Variants in ZNF292 observed in about 807,000 individuals in gnomAD.
The protein encoded by ZNF292 is 16 zinc-finger domain protein.
In ZNF292, 26 loss-of-function variants were observed where a neutral mutation model predicts 217.9. The ratio of observed to expected loss-of-function variants is 0.12; its 90% CI spans 0.09 to 0.17. The LOEUF (loss-of-function observed/expected upper bound fraction) is 0.17, where lower values mean the gene tolerates loss of function less well. Among genes scored for constraint, ZNF292 ranks in the 10% least tolerant of loss-of-function variants. The pLI, the probability that ZNF292 is intolerant of heterozygous loss-of-function variation, is 1.00. For missense variants in ZNF292, 2,904 were observed against 3,175.2 expected, an observed-to-expected ratio of 0.91 and a Z score of 2.05; for synonymous variants, 1,257 against 1,124.1, an observed-to-expected ratio of 1.12 and a Z score of -2.37.
At chr6:87,187,297 C>T (rs1474818803) in intron 1 of ZNF292, among the ~76,000 whole-genome samples, 3 of 151,878 alleles carry the variant, frequency 2.0e-5, no homozygotes, top group African/African-American at 4.8e-5. Flanking sequence ...TACTAAATCT[C>T]TGTACTCATG....
At chr6:87,179,381 G>A (rs1771399246) in intron 1 of ZNF292, among the ~76,000 whole-genome samples, 1 of 151,850 alleles carries the variant, frequency 6.6e-6, no homozygotes, top group Admixed American at 6.6e-5. Flanking sequence ...GGAGGGTCTC[G>A]AACTGCCAAC....
chr6:87,258,270 G>T lies in ZNF292; in HGVS notation c.4641G>T (p.Leu1547=). 1 of 1,613,266 alleles carries T rather than the reference G, an allele frequency of 6.2e-7. No individual in the cohort carries two copies. The highest frequency in any genetic ancestry group is 1.1e-5 in the South Asian group (1 of 90,936). Residue 1547 remains leucine (L), a synonymous_variant, in exon 8 of 8, where the codon CTG becomes CTT. Transcript: ENST00000369577. ...CTGTATGCCATCCAAACACCTTGCT[G>T]ACCAACCAGAATAGGACGTCAAACT... is the stretch of plus-strand genomic sequence containing the variant. The part of the protein sequence containing the change: ...LHTVCHPNTL[L]TNQNRTSNSK...
chr6:87,195,330 G>T (rs1313139907), intron 1 of ZNF292, among the ~76,000 whole-genome samples: 1 of 152,148 alleles, frequency 6.6e-6, no homozygotes, highest in African/African-American at 2.4e-5. Context: ...AAAAATTCTG[G>T]TACAAATTGG....
chr6:87,243,603 C>T lies in ZNF292; in HGVS notation c.870C>T (p.Tyr290=). The T allele has an allele frequency of 1.3e-6, 2 of 1,501,466 alleles. No homozygotes were observed. The highest frequency in any genetic ancestry group is 2.4e-5 in the East Asian group (1 of 41,094). 93.0% of individuals were successfully genotyped at this position (1,501,466 alleles called of 1,614,324 possible). A position where few individuals can be genotyped will look rare whatever the true frequency, so the allele number is the denominator to read the frequency against. ...GTCAGCTCCAACAAGGAGATATGTA[C>T]TGCGCTTGGTGAGTTGATCTTTTTT... ...LSRQLQQGDM[Y]CAWELTLFWS... Residue 290 remains tyrosine, a synonymous_variant, in exon 6 of 8, where the codon TAC becomes TAT. Coordinates refer to ENST00000369577, the MANE Select transcript of ZNF292 (RefSeq NM_015021.3).
chr6:87,179,695 T>C (rs1771411110), intron 1 of ZNF292, among the ~76,000 whole-genome samples: 1 of 152,212 alleles, frequency 6.6e-6, no homozygotes, highest in South Asian at 2.1e-4. Context: ...TTCAGAACAA[T>C]TTAATATACT....
At position 87,248,152 on chromosome 6, in the gene ZNF292, G is replaced by A. The variant is rs1403939292; in HGVS notation, c.1020+2508G>A. Among the ~76,000 whole-genome samples, 3 of 152,270 alleles carry A rather than the reference G, an allele frequency of 2.0e-5. No individual in the cohort carries two copies. In the East Asian group the frequency reaches 5.8e-4, roughly 29 times the overall value. ...CCATTGTGTAGAATCTAAAAACTGA[G>A]ATGCAGCATGATAACAAGAAGTATT... is the stretch of plus-strand genomic sequence containing the variant. On this transcript the variant is annotated intron_variant, in intron 7 of 7. Coordinates refer to ENST00000369577, the MANE Select transcript of ZNF292 (RefSeq NM_015021.3).
chr6:87,182,499 G>A lies in ZNF292; in HGVS notation c.168+26740G>A, dbSNP rs1771500507. Among the ~76,000 whole-genome samples the A allele has an allele frequency of 3.3e-5, 5 of 152,304 alleles. 1 individual carries two copies. Among genetic ancestry groups the A allele is most frequent in the Admixed American group, 3.3e-4 (5 of 15,290 alleles). On this transcript the variant is annotated intron_variant, in intron 1 of 7. Coordinates refer to ENST00000369577, the MANE Select transcript of ZNF292 (RefSeq NM_015021.3). ...GCACTCCTACGCTTTTAGAGGATGT[G>A]GGGTTGGTGAGGCAGAGAGACCAGA...
Position 87,264,277 on chromosome 6 carries a change from T to G in ZNF292, c.*2476T>G, listed in dbSNP as rs1369066485. 6.6e-6 allele frequency: 1 copy of G among 152,212 alleles called. No individual in the cohort carries two copies. The highest frequency in any genetic ancestry group is 1.5e-5 in the Non-Finnish European group (1 of 68,038). The allele number at this position is 152,212 out of a possible 1,614,324, so 9.4% of individuals were successfully genotyped here. Reference sequence around the variant, plus strand: ...GTTTCATCACTAAAAAGTAGGAGTTTTTCCTCTTCTGAACCCGCAAAGTTT... The same window carrying G: ...GTTTCATCACTAAAAAGTAGGAGTTGTTCCTCTTCTGAACCCGCAAAGTTT... On this transcript the variant is annotated 3_prime_UTR_variant, in exon 8 of 8. Transcript: ENST00000369577.
At chr6:87,198,057 A>G (rs1772005761) in intron 1 of ZNF292, among the ~76,000 whole-genome samples, 1 of 152,146 alleles carries the variant, frequency 6.6e-6, no homozygotes. Flanking sequence ...TCAGTTTCAA[A>G]TTGATTCTAT....
intron 1 of ZNF292, among the ~76,000 whole-genome samples, chr6:87,201,232 C>A (rs1263198941): frequency 6.6e-6 from 1 of 152,028 alleles, no homozygotes; most frequent in Admixed American, 6.5e-5. Context: ...CAGTTTGTAG[C>A]CTTTTATTTG....
chr6:87,170,463 AG>A (rs1469070645), intron 1 of ZNF292: 1 of 152,242 alleles, frequency 6.6e-6, no homozygotes, highest in Non-Finnish European at 1.5e-5. Flanking sequence ...AATTAACCCT[AG>A]TAAGTGAAGT....
intron 1 of ZNF292, among the ~76,000 whole-genome samples, chr6:87,205,104 C>A (rs1582416818): frequency 6.6e-6 from 1 of 152,090 alleles, no homozygotes; most frequent in Admixed American, 6.5e-5. Flanking sequence ...CATGATATCT[C>A]TCTCTGTCTT....
intron 3 of ZNF292, among the ~76,000 whole-genome samples, chr6:87,216,939 A>G (rs1367560170): frequency 2.0e-5 from 3 of 152,072 alleles, no homozygotes; most frequent in Admixed American, 6.6e-5. Context: ...TATTCTGCTT[A>G]TATGAGGTAC....
intron 1 of ZNF292, among the ~76,000 whole-genome samples, chr6:87,183,575 T>C (rs1020639024): frequency 6.6e-6 from 1 of 152,158 alleles, no homozygotes; most frequent in African/African-American, 2.4e-5. Context: ...AAAATAATTT[T>C]TACAAACTTT....
At chr6:87,164,140 A>G (rs1770838985) in intron 1 of ZNF292, among the ~76,000 whole-genome samples, 2 of 152,136 alleles carry the variant, frequency 1.3e-5, no homozygotes, top group African/African-American at 2.4e-5. Context: ...TTCACAAGTC[A>G]GTGGGTCTGC....
intron 3 of ZNF292, among the ~76,000 whole-genome samples, chr6:87,217,735 A>C (rs1772861590): frequency 6.6e-6 from 1 of 152,076 alleles, no homozygotes; most frequent in South Asian, 2.1e-4. Flanking sequence ...AAAGCACCTG[A>C]ACTTTGTTGG....
At chr6:87,232,984 G>T (rs1393935190) in intron 4 of ZNF292, among the ~76,000 whole-genome samples, 1 of 152,026 alleles carries the variant, frequency 6.6e-6, no homozygotes, top group Admixed American at 6.5e-5. Flanking sequence ...CTAACTGCTG[G>T]TGTTGAAGAA....
chr6:87,243,297 T>TA (rs1554204047), intron 5 of ZNF292, among the ~76,000 whole-genome samples, 178 bp from the exon 6 acceptor site: 18 of 151,528 alleles, frequency 1.2e-4, no homozygotes, highest in African/African-American at 1.5e-4. Flanking sequence ...TTTTTTTTTT[T>TA]AACTGCAGCC....
At chr6:87,210,815 A>G (rs1401972914) in intron 1 of ZNF292, among the ~76,000 whole-genome samples, 1 of 152,046 alleles carries the variant, frequency 6.6e-6, no homozygotes, top group East Asian at 1.9e-4. Flanking sequence ...GAGGTGAGGC[A>G]TGTAGCACCC....
Sources: gnomAD v4.1 joint callset for allele counts (sites outside exome capture counted in the v4.1 genomes callset) on GRCh38, gnomAD v4.1.1 for gene constraint, MANE v1.5 for transcripts, NCBI Gene and HGNC (gene_info 2026-07-23, HGNC 2026-07-21) for gene names.